COL12A1: variants seen among roughly 807,000 people sequenced by gnomAD.
COL12A1 encodes collagen alpha-1(XII) chain.
Under a neutral mutation model 349.7 loss-of-function variants are expected in COL12A1, and 114 were observed. The ratio of observed to expected loss-of-function variants is 0.33; its 90% CI spans 0.28 to 0.38. The LOEUF (loss-of-function observed/expected upper bound fraction) is 0.38, where lower values mean the gene tolerates loss of function less well. Ranked by LOEUF, COL12A1 falls within the 10% of genes least tolerant of loss-of-function variation. COL12A1 has a pLI of 1.00. For missense variants in COL12A1, 3,284 were observed against 3,756.9 expected, an observed-to-expected ratio of 0.87 and a Z score of 3.29; for synonymous variants, 1,369 against 1,329.0, an observed-to-expected ratio of 1.03 and a Z score of -0.66.
intron 8 of COL12A1, among the ~76,000 whole-genome samples, chr6:75,185,661 G>A (rs1769574923): frequency 6.6e-6 from 1 of 152,158 alleles, no homozygotes; most frequent in East Asian, 1.9e-4. Flanking sequence ...AATATCCAAG[G>A]CAATCCTAAG....
intron 13 of COL12A1, among the ~76,000 whole-genome samples, 192 bp downstream of exon 13, chr6:75,174,846 A>G (rs538123995): frequency 6.6e-6 from 1 of 152,224 alleles, no homozygotes; most frequent in South Asian, 2.1e-4. Context: ...ATCAAGTTTA[A>G]TTTTTTCAGT....
intron 10 of COL12A1, among the ~76,000 whole-genome samples, chr6:75,181,606 T>C (rs2149462966): frequency 6.6e-6 from 1 of 152,338 alleles, no homozygotes; most frequent in East Asian, 1.9e-4. Flanking sequence ...ATATTAACCT[T>C]TGGTGGTTTG....
In COL12A1 at chr6:75,117,525, C is replaced by A. The variant is rs1769144558; in HGVS notation, c.7376G>T (p.Gly2459Val). ...CTCATTGTAGTCGACATCAGCCACA[C>A]CAACTACAAAGACACTGAACCCTGC... Reference protein sequence around the residue: ...QQSGFSVFVVGVADVDYNELA... With the variant: ...QQSGFSVFVVVVADVDYNELA... The change falls in exon 47 of 66, where the codon GGT (glycine) becomes GTT (valine). Residue 2459 changes from glycine (G) to valine (V), a missense_variant. Gly to Val is a moderately radical substitution (Grantham distance 109, BLOSUM62 -3). Coordinates refer to ENST00000322507, the MANE Select transcript of COL12A1 (RefSeq NM_004370.6). The A allele has an allele frequency of 6.2e-7, 1 of 1,613,402 alleles. No individual in the cohort carries two copies.
intron 32 of COL12A1, among the ~76,000 whole-genome samples, 172 bp from the exon 33 acceptor site, chr6:75,134,169 G>A (rs1200889348): frequency 1.3e-5 from 2 of 152,182 alleles, no homozygotes; most frequent in African/African-American, 4.8e-5. Context: ...TGATGCATAT[G>A]TCTCATCTAT....
rs773936793 is a variant in COL12A1 at position 75,148,422 on chromosome 6, G to A, written c.4223C>T (p.Pro1408Leu). The A allele has an allele frequency of 1.2e-5, 19 of 1,613,344 alleles. No homozygotes were observed. The highest frequency in any genetic ancestry group is 1.2e-4 in the Admixed American group (7 of 59,982). Residue 1408 changes from proline (P) to leucine (L), a missense_variant, in exon 22 of 66, where the codon CCT becomes CTT. Coordinates refer to ENST00000322507, the MANE Select transcript of COL12A1 (RefSeq NM_004370.6). ...CTTATATCGATCCACACTGTCAGAA[G>A]GTGGTGTCCAGCTCACTCTAAAAGA... Reference protein sequence around the residue: ...HRSFRVSWTPPSDSVDRYKVE... With the variant: ...HRSFRVSWTPLSDSVDRYKVE...
Position 75,095,164 on chromosome 6 carries a change from G to C in COL12A1, c.8593C>G (p.Pro2865Ala). 7 of 1,613,944 alleles carry C rather than the reference G, an allele frequency of 4.3e-6. No individual in the cohort carries two copies. Among genetic ancestry groups the C allele is most frequent in the Non-Finnish European group, 5.9e-6 (7 of 1,179,940 alleles). ...PPGPPGSPGS[P>A]GVTGPSGKPG... ...TTCCCACTTGGTCCTGTGACTCCTGGGGAGCCTGGGCTTCCCTACAACACA... is the reference window on the plus strand; with the variant it reads ...TTCCCACTTGGTCCTGTGACTCCTGCGGAGCCTGGGCTTCCCTACAACACA... Residue 2865 changes from proline to alanine, a missense_variant, in exon 60 of 66, where the codon CCA becomes GCA. Around this residue, in one of 2 missense-constraint regions of COL12A1, gnomAD observed 683 missense variants for 932.1 expected, o/e 0.73. Transcript: ENST00000322507.
chr6:75,113,375 T>C, intron 50 of COL12A1, 62 bp from the exon 51 acceptor site: 2 of 1,117,954 alleles, frequency 1.8e-6, no homozygotes, highest in East Asian at 2.8e-5. Flanking sequence ...TTTAAAGTAT[T>C]AGCAAATAAT....
In COL12A1 at chr6:75,125,124, C is replaced by T. The variant is rs1765949947; in HGVS notation, c.6607+3G>A. The T allele has an allele frequency of 1.9e-6, 3 of 1,586,348 alleles. No individual in the cohort carries two copies. The highest frequency in any genetic ancestry group is 2.6e-6 in the Non-Finnish European group (3 of 1,167,334). ...CACAACCATGAAAATATCCATGACTCACATGTAGTGCCTTGATCTGTCAAG... is the reference window on the plus strand; with the variant it reads ...CACAACCATGAAAATATCCATGACTTACATGTAGTGCCTTGATCTGTCAAG... On this transcript the variant is annotated splice_donor_region_variant and intron_variant, in intron 40 of 65. Coordinates refer to ENST00000322507, the MANE Select transcript of COL12A1 (RefSeq NM_004370.6).
chr6:75,183,013 C>T (rs1769397398), intron 10 of COL12A1, 37 bp downstream of exon 10: 3 of 1,539,004 alleles, frequency 1.9e-6, no homozygotes, highest in Non-Finnish European at 2.6e-6. Flanking sequence ...ATTCTTTGTT[C>T]ATGAAGAAAT....
At chr6:75,201,832 A>G (rs1228215968) in intron 2 of COL12A1, among the ~76,000 whole-genome samples, 1 of 152,110 alleles carries the variant, frequency 6.6e-6, no homozygotes, top group Non-Finnish European at 1.5e-5. Context: ...ACATCTAACA[A>G]AAGCCCTCCA....
Position 75,145,416 on chromosome 6 carries a change from C to T in COL12A1, c.4600G>A (p.Asp1534Asn), listed in dbSNP as rs1288779605. The change falls in exon 25 of 66, where the codon GAC becomes AAC. Residue 1534 changes from aspartate (D) to asparagine (N), a missense_variant. Physicochemically the swap from Asp to Asn is conservative, Grantham distance 23. Coordinates refer to ENST00000322507, the MANE Select transcript of COL12A1 (RefSeq NM_004370.6). ...GPTVNDMQLT[D>N]LVPNTEYAVT... is the part of the protein sequence containing the mutation. ...GCATACTCCGTGTTGGGAACAAGGTCAGTCAGCTGCATGTCATTCACTGTT... is the reference window on the plus strand; with the variant it reads ...GCATACTCCGTGTTGGGAACAAGGTTAGTCAGCTGCATGTCATTCACTGTT... The T allele has an allele frequency of 3.7e-6, 6 of 1,613,982 alleles. No homozygotes were observed. The South Asian group carries it at 5.5e-5, about 15-fold the overall frequency.
At position 75,133,970 on chromosome 6, in the gene COL12A1, C is replaced by T. The variant is rs746350588; in HGVS notation, c.5552G>A (p.Arg1851Lys). ...GGTGCTGGTAGAAGGGTCATACACT[C>T]TCAGGTTCCTTACAGTGTTTAGAGG... is the stretch of plus-strand genomic sequence containing the variant. ...TKPLNTVRNL[R>K]VYDPSTSTLN... The change falls in exon 33 of 66, where the codon AGA becomes AAA. Residue 1851 changes from arginine (R) to lysine (K), a missense_variant. Physicochemically the swap from Arg to Lys is conservative, Grantham distance 26. This residue lies in a region of COL12A1 where 2,601 missense variants were observed against 2,824.8 expected (regional missense o/e 0.92). Transcript: ENST00000322507. The T allele has an allele frequency of 6.2e-7, 1 of 1,613,954 alleles. No homozygotes were observed. The highest frequency in any genetic ancestry group is 8.5e-7 in the Non-Finnish European group (1 of 1,179,938).
chr6:75,125,299 C>T (rs570292354), intron 39 of COL12A1, 26 bp from the exon 40 acceptor site: 38 of 1,566,418 alleles, frequency 2.4e-5, no homozygotes, highest in Non-Finnish European at 2.4e-5. Flanking sequence ...CAAAAATACA[C>T]AGAAACATGC....
chr6:75,181,066 C>T lies in COL12A1; in HGVS notation c.2037G>A (p.Glu679=), dbSNP rs773700669. 2 of 1,614,032 alleles carry T rather than the reference C, an allele frequency of 1.2e-6. No individual in the cohort carries two copies. The highest frequency in any genetic ancestry group is 2.2e-5 in the South Asian group (2 of 91,060). The change falls in exon 11 of 66, where the codon GAG becomes GAA. Residue 679 remains glutamate (E), a synonymous_variant. Transcript: ENST00000322507. ...AAGDDEVTVV[E]PASSTSVVLS... ...GAACAACACTGGTGCTCGATGCTGG[C>T]TCCACCACAGTGACCTCATCATCCC...
chr6:75,109,065 A>T lies in COL12A1; in HGVS notation c.8053T>A (p.Tyr2685Asn). The T allele has an allele frequency of 6.2e-7, 1 of 1,612,252 alleles. No individual in the cohort carries two copies. Among genetic ancestry groups the T allele is most frequent in the Non-Finnish European group, 8.5e-7 (1 of 1,179,290 alleles). The change falls in exon 52 of 66, where the codon TAT becomes AAT. Residue 2685 changes from tyrosine (Y) to asparagine (N), a missense_variant. Around this residue, in one of 2 missense-constraint regions of COL12A1, gnomAD observed 683 missense variants for 932.1 expected, o/e 0.73. Coordinates refer to ENST00000322507, the MANE Select transcript of COL12A1 (RefSeq NM_004370.6). The part of the protein sequence containing the change: ...KEAGNITTDG[Y>N]EILGKLLKGE... ...TTAAGGAGTTTTCCAAGAATTTCAT[A>T]ACCATCAGTTGTTATATTTCCAGCT...
At chr6:75,132,858 G>A (rs929684684) in intron 34 of COL12A1, among the ~76,000 whole-genome samples, 1 of 152,158 alleles carries the variant, frequency 6.6e-6, no homozygotes, top group Non-Finnish European at 1.5e-5. Flanking sequence ...CTAAATGAAA[G>A]CATACAGATT....
At chr6:75,201,598 C>T (rs965495825) in intron 2 of COL12A1, among the ~76,000 whole-genome samples, 56 of 151,782 alleles carry the variant, frequency 3.7e-4, no homozygotes, top group African/African-American at 1.4e-3. Flanking sequence ...TTTTTTTCCT[C>T]CCTTAACTTC....
chr6:75,129,349 T>C (rs1403073797), intron 37 of COL12A1, among the ~76,000 whole-genome samples: 1 of 152,236 alleles, frequency 6.6e-6, no homozygotes, highest in Non-Finnish European at 1.5e-5. Flanking sequence ...GAAAATTATC[T>C]AAGACGATCT....
At chr6:75,176,715 A>G (rs987167530) in intron 12 of COL12A1, among the ~76,000 whole-genome samples, 1 of 152,242 alleles carries the variant, frequency 6.6e-6, no homozygotes, top group African/African-American at 2.4e-5. Flanking sequence ...TAATAATAAC[A>G]TAAAGTCTAT....
Sources: gnomAD v4.1 joint callset for allele counts (sites outside exome capture counted in the v4.1 genomes callset) on GRCh38, gnomAD v4.1.1 for gene constraint, gnomAD v4.1.1 regional missense constraint, MANE v1.5 for transcripts, NCBI Gene and HGNC (gene_info 2026-07-23, HGNC 2026-07-21) for gene names.